Variants in SLC44A5 observed in about 807,000 individuals in gnomAD.
The protein encoded by SLC44A5 is choline transporter-like protein 5.
SLC44A5 carries 57 observed loss-of-function variants against 101.8 expected under a neutral mutation model. That is an observed-to-expected ratio of 0.56 (90% confidence interval 0.45 to 0.70). The LOEUF (loss-of-function observed/expected upper bound fraction) is 0.70, where lower values mean the gene tolerates loss of function less well. Ranked by LOEUF, SLC44A5 falls within the 30% of genes least tolerant of loss-of-function variation. The pLI is 0.00. For missense variants in SLC44A5, 737 were observed against 853.1 expected (o/e 0.86, Z 1.70); for synonymous variants, 281 against 290.9 (o/e 0.97, Z 0.35).
At chr1:75,522,023 C>T (rs979505533) in intron 2 of SLC44A5, 2 of 152,320 alleles carry the variant, frequency 1.3e-5, no homozygotes, top group African/African-American at 4.8e-5. Context: ...AGAGGAAGCA[C>T]AACACTCACA....
At chr1:75,586,934 C>T (rs1465471279) in intron 1 of SLC44A5, among the ~76,000 whole-genome samples, 1 of 151,616 alleles carries the variant, frequency 6.6e-6, no homozygotes, top group Non-Finnish European at 1.5e-5. Context: ...TATGATAACT[C>T]CATGGGAAAC....
intron 2 of SLC44A5, among the ~76,000 whole-genome samples, chr1:75,415,081 A>G (rs1663550381): frequency 6.6e-6 from 1 of 152,200 alleles, no homozygotes. Context: ...TATATCTTGG[A>G]TAAGGAAATG....
chr1:75,365,724 G>T (rs1441753260), intron 3 of SLC44A5, among the ~76,000 whole-genome samples: 1 of 151,992 alleles, frequency 6.6e-6, no homozygotes, highest in Non-Finnish European at 1.5e-5. Context: ...ATGAGTTCTT[G>T]TTCTTTTTAT....
At chr1:75,676,006 C>G in the SLC44A5 span, among the ~76,000 whole-genome samples, 1 of 152,176 alleles carries the variant, frequency 6.6e-6, no homozygotes, top group African/African-American at 2.4e-5. Flanking sequence ...GAGATATCAT[C>G]TCATGCCAGT....
intron 2 of SLC44A5, among the ~76,000 whole-genome samples, chr1:75,405,574 A>T (rs1244715418): frequency 6.6e-6 from 1 of 152,236 alleles, no homozygotes; most frequent in Non-Finnish European, 1.5e-5. Context: ...ATACAACTAC[A>T]TGAAAACTGA....
chr1:75,246,772 A>T lies in SLC44A5; in HGVS notation c.346-3761T>A, dbSNP rs1387559241. Among the ~76,000 whole-genome samples, 3 of 152,234 alleles carry T rather than the reference A, an allele frequency of 2.0e-5. No individual in the cohort carries two copies. In the East Asian group the frequency reaches 5.8e-4, roughly 29 times the overall value. On this transcript the variant is annotated intron_variant, in intron 7 of 23. Transcript: ENST00000370859. ...GACAGGATGAGCAATCAAGACATAC[A>T]GTCATCTGGAAAAATAATTCTCTAG...
Position 75,377,043 on chromosome 1 carries a change from G to A in SLC44A5, c.52+19540C>T, listed in dbSNP as rs940144631. Reference sequence around the variant, plus strand: ...TACGTGAAGAATGAAGAAGCCTCAGGAGTCGATGCTATCAACTGGAAGAAA... The same window carrying A: ...TACGTGAAGAATGAAGAAGCCTCAGAAGTCGATGCTATCAACTGGAAGAAA... On this transcript the variant is annotated intron_variant, in intron 3 of 23. Coordinates refer to ENST00000370859, the MANE Select transcript of SLC44A5 (RefSeq NM_001130058.2). Among the ~76,000 whole-genome samples the A allele has an allele frequency of 7.4e-4, 113 of 152,214 alleles. 3 individuals carry two copies. The highest frequency in any genetic ancestry group is 1.9e-4 in the Non-Finnish European group (13 of 68,046).
At chr1:75,641,992 A>C in the SLC44A5 span, 1 of 1,500,888 alleles carries the variant, frequency 6.7e-7, no homozygotes, top group Non-Finnish European at 9.2e-7. Flanking sequence ...CTTCCTCCTC[A>C]TCATCTTCAT....
upstream of SLC44A5, chr1:75,615,769 G>A: frequency 2.2e-5 from 18 of 819,648 alleles, no homozygotes; most frequent in Non-Finnish European, 2.4e-5. Context: ...ACTTGGCCGC[G>A]CCTGGATGTA....
intron 1 of SLC44A5, among the ~76,000 whole-genome samples, chr1:75,597,971 C>T (rs1351931232): frequency 6.6e-6 from 1 of 151,932 alleles, no homozygotes; most frequent in Non-Finnish European, 1.5e-5. Context: ...AGCTTCTGCA[C>T]AGCAAAAGAA....
intron 2 of SLC44A5, among the ~76,000 whole-genome samples, chr1:75,410,350 G>A (rs2101503022): frequency 6.6e-6 from 1 of 152,036 alleles, no homozygotes; most frequent in Non-Finnish European, 1.5e-5. Context: ...CTATTTATAA[G>A]GCAAGTCATG....
intron 18 of SLC44A5, among the ~76,000 whole-genome samples, chr1:75,216,672 T>C (rs1411596412): frequency 1.3e-5 from 2 of 151,958 alleles, no homozygotes; most frequent in Non-Finnish European, 2.9e-5. Flanking sequence ...TGGAGTCTCA[T>C]TGTGGTTTTG....
At chr1:75,416,261 G>A (rs979731110) in intron 2 of SLC44A5, among the ~76,000 whole-genome samples, 1 of 152,122 alleles carries the variant, frequency 6.6e-6, no homozygotes, top group African/African-American at 2.4e-5. Context: ...CACCATGGCT[G>A]AAAGGGGCCA....
chr1:75,464,555 T>C (rs1666706425), intron 2 of SLC44A5, among the ~76,000 whole-genome samples: 1 of 152,056 alleles, frequency 6.6e-6, no homozygotes. Flanking sequence ...TATTTATTAA[T>C]AATAACGTTG....
intron 4 of SLC44A5, among the ~76,000 whole-genome samples, chr1:75,332,152 C>G (rs1475283405): frequency 6.6e-6 from 1 of 152,072 alleles, no homozygotes; most frequent in Non-Finnish European, 1.5e-5. Flanking sequence ...ATGAAAAATG[C>G]CTCTTGTAAT....
At chr1:75,204,678 G>A (rs1646719967) in intron 23 of SLC44A5, 1 of 151,376 alleles carries the variant, frequency 6.6e-6, no homozygotes, top group Non-Finnish European at 1.5e-5. Flanking sequence ...AAGATAGATG[G>A]GGTTTCACCA....
chr1:75,625,045 T>C, the SLC44A5 span, among the ~76,000 whole-genome samples: 1 of 151,992 alleles, frequency 6.6e-6, no homozygotes, highest in Admixed American at 6.6e-5. Context: ...GTTCCAAAGT[T>C]CCCGCAAAAA....
At position 75,287,654 on chromosome 1, in the gene SLC44A5, G is replaced by A. The variant is rs143870965; in HGVS notation, c.176-12612C>T. ...TCACAGGGTGCTTCCTTGATGTGGTGCTCTTCTCCTTCCCCAAGGGATGGG... is the reference window on the plus strand; with the variant it reads ...TCACAGGGTGCTTCCTTGATGTGGTACTCTTCTCCTTCCCCAAGGGATGGG... On this transcript the variant is annotated intron_variant, in intron 5 of 23. Transcript: ENST00000370859. 1.7e-4 allele frequency among the ~76,000 whole-genome samples: 26 copies of A among 152,116 alleles called. No homozygotes were observed. In the East Asian group the frequency reaches 4.8e-3, roughly 28 times the overall value.
the SLC44A5 span, among the ~76,000 whole-genome samples, chr1:75,682,479 A>T: frequency 2.0e-5 from 3 of 152,066 alleles, no homozygotes; most frequent in African/African-American, 7.2e-5. Flanking sequence ...ATCTTTGACA[A>T]ACCTGAGAAA....
Sources: allele counts gnomAD v4.1 joint callset (sites outside exome capture counted in the v4.1 genomes callset), GRCh38; gene constraint gnomAD v4.1.1; transcripts MANE v1.5; gene names NCBI Gene and HGNC (gene_info 2026-07-23, HGNC 2026-07-21).